Variants in RALYL observed in about 807,000 individuals in gnomAD.
The protein encoded by RALYL is RNA-binding Raly-like protein.
Under a neutral mutation model 35.1 loss-of-function variants are expected in RALYL, and 29 were observed. That is an observed-to-expected ratio of 0.83 (90% CI 0.61 to 1.13). The LOEUF is 1.13. Ranked by LOEUF, RALYL falls within the 50% of genes most tolerant of loss-of-function variation. RALYL has a pLI of 0.00. For synonymous variants in RALYL, 120 were observed against 127.6 expected (o/e 0.94, Z 0.40); for missense variants, 359 against 360.4 (o/e 1.00, Z 0.03).
chr8:84,339,315 G>A (rs1848358733), intron 1 of RALYL, among the ~76,000 whole-genome samples: 1 of 152,048 alleles, frequency 6.6e-6, no homozygotes, highest in South Asian at 2.1e-4. Flanking sequence ...AACCAGTGAA[G>A]CTTCATCTGT....
At chr8:84,370,882 A>G (rs16912723) in intron 1 of RALYL, among the ~76,000 whole-genome samples, 4,493 of 152,062 alleles carry the variant, frequency 0.03, 214 homozygotes, top group African/African-American at 0.1. Context: ...GCAAAATTGC[A>G]TTGTTCCAGA....
chr8:84,398,728 C>G (rs2042587461), intron 1 of RALYL, among the ~76,000 whole-genome samples: 1 of 152,180 alleles, frequency 6.6e-6, no homozygotes, highest in Admixed American at 6.5e-5. Flanking sequence ...AATCCCATCA[C>G]TTTGGAAGGC....
At chr8:84,520,301 A>G (rs1429447223) in intron 1 of RALYL, among the ~76,000 whole-genome samples, 1 of 152,174 alleles carries the variant, frequency 6.6e-6, no homozygotes, top group Admixed American at 6.5e-5. Flanking sequence ...AGATTATCAC[A>G]TGTGCTACAT....
At chr8:84,875,139 G>T (rs1840900358) in intron 7 of RALYL, among the ~76,000 whole-genome samples, 1 of 151,968 alleles carries the variant, frequency 6.6e-6, no homozygotes, top group Non-Finnish European at 1.5e-5. Flanking sequence ...GCTGTCTATG[G>T]CACTGAAATG....
At chr8:84,311,090 A>AAAAAAAAAAAAAAAAATAT (rs1554614840) in intron 1 of RALYL, among the ~76,000 whole-genome samples, 3 of 99,720 alleles carry the variant, frequency 3.0e-5, no homozygotes, top group Non-Finnish European at 4.2e-5. Context: ...AAAAAAAAAA[A>AAAAAAAAAAAAAAAAATAT]ATGTATATTA....
At chr8:84,827,798 A>G (rs1212329057) in intron 4 of RALYL, among the ~76,000 whole-genome samples, 1 of 152,070 alleles carries the variant, frequency 6.6e-6, no homozygotes, top group African/African-American at 2.4e-5. Context: ...AGAAGTACAT[A>G]CGTTGAGATT....
Position 84,681,032 on chromosome 8 carries a change from G to A in RALYL, c.257-93547G>A, listed in dbSNP as rs1254937656. Among the ~76,000 whole-genome samples the A allele has an allele frequency of 2.0e-5, 3 of 151,936 alleles. 1 individual carries two copies. Among genetic ancestry groups the A allele is most frequent in the South Asian group, 4.1e-4 (2 of 4,822 alleles). On this transcript the variant is annotated intron_variant, in intron 2 of 8. Coordinates refer to ENST00000521268, the MANE Select transcript of RALYL (RefSeq NM_173848.7). ...CATCTTGAATTAATTTTTGTATAAG[G>A]TGTAAGGAAGGGATCCAGTTTCAGC...
chr8:84,252,534 C>A (rs1335473999), intron 1 of RALYL, among the ~76,000 whole-genome samples: 1 of 152,110 alleles, frequency 6.6e-6, no homozygotes, highest in Non-Finnish European at 1.5e-5. Flanking sequence ...TGAAGGCATT[C>A]ATATTCAACT....
chr8:84,284,799 T>A (rs1483386360), intron 1 of RALYL, among the ~76,000 whole-genome samples: 1 of 152,226 alleles, frequency 6.6e-6, no homozygotes, highest in Non-Finnish European at 1.5e-5. Flanking sequence ...AGGGCCAAGC[T>A]CTTTCTAACT....
At chr8:84,913,081 T>TAGATAGAC (rs1847866760) in intron 8 of RALYL, among the ~76,000 whole-genome samples, 6 of 151,956 alleles carry the variant, frequency 3.9e-5, no homozygotes, top group African/African-American at 1.4e-4. Context: ...GATAGATAGA[T>TAGATAGAC]AGATAGATAC....
intron 1 of RALYL, among the ~76,000 whole-genome samples, chr8:84,302,023 T>A (rs1260424018): frequency 4.6e-5 from 7 of 152,138 alleles, no homozygotes; most frequent in Non-Finnish European, 7.4e-5. Context: ...ACAAATCAAG[T>A]CTTTACAGAA....
At chr8:84,655,590 A>G (rs776542521) in intron 2 of RALYL, among the ~76,000 whole-genome samples, 17 of 152,090 alleles carry the variant, frequency 1.1e-4, no homozygotes, top group Non-Finnish European at 2.2e-4. Context: ...TGGCCTCCCA[A>G]TGTGCCAGAA....
chr8:84,757,730 T>C (rs16913228), intron 2 of RALYL, among the ~76,000 whole-genome samples: 3,092 of 152,286 alleles, frequency 0.02, 119 homozygotes, highest in African/African-American at 0.07. Context: ...AGGTAAAAGA[T>C]GCTTTATTGC....
intron 2 of RALYL, among the ~76,000 whole-genome samples, chr8:84,548,743 T>C (rs1466797063): frequency 2.0e-5 from 3 of 152,220 alleles, no homozygotes; most frequent in Non-Finnish European, 4.4e-5. Context: ...GAGTTCTCTT[T>C]ACTGCTCTTT....
At chr8:84,390,083 C>T (rs891750767) in intron 1 of RALYL, among the ~76,000 whole-genome samples, 2 of 151,946 alleles carry the variant, frequency 1.3e-5, no homozygotes, top group African/African-American at 4.8e-5. Flanking sequence ...AAGGCCTTTT[C>T]TGCATCAATT....
At chr8:84,910,230 A>T (rs1489790145) in intron 8 of RALYL, among the ~76,000 whole-genome samples, 1 of 152,128 alleles carries the variant, frequency 6.6e-6, no homozygotes, top group African/African-American at 2.4e-5. Context: ...TACATTCTAA[A>T]CATGGCATGG....
chr8:84,477,917 G>T (rs933939960), intron 1 of RALYL, among the ~76,000 whole-genome samples: 2 of 151,902 alleles, frequency 1.3e-5, no homozygotes, highest in African/African-American at 4.8e-5. Context: ...ATCAGAAAAA[G>T]AAACTCCTTT....
intron 1 of RALYL, among the ~76,000 whole-genome samples, chr8:84,340,890 A>G (rs554165228): frequency 6.6e-6 from 1 of 152,034 alleles, no homozygotes; most frequent in Admixed American, 6.6e-5. Flanking sequence ...TGGAATTGCT[A>G]TACTGTTTGT....
intron 2 of RALYL, among the ~76,000 whole-genome samples, chr8:84,699,077 AATAG>A (rs745359965): frequency 1.6e-4 from 25 of 152,206 alleles, no homozygotes; most frequent in South Asian, 6.2e-4. Flanking sequence ...ATAACAGATG[AATAG>A]ATAGATAGTA....
Sources: gnomAD v4.1 joint callset for allele counts (sites outside exome capture counted in the v4.1 genomes callset) on GRCh38, gnomAD v4.1.1 for gene constraint, MANE v1.5 for transcripts, NCBI Gene and HGNC (gene_info 2026-07-23, HGNC 2026-07-21) for gene names.